The following CSTPP1 variants were observed in gnomAD, a reference collection of about 807,000 sequenced individuals.
The protein encoded by CSTPP1 is UPF0705 protein C11orf49.
the CSTPP1 span, among the ~76,000 whole-genome samples, chr11:47,011,076 T>C: frequency 6.6e-6 from 1 of 152,198 alleles, no homozygotes; most frequent in Admixed American, 6.5e-5. Context: ...GCTGAACATA[T>C]TAAAACTAAT....
At chr11:46,993,635 T>G in the CSTPP1 span, among the ~76,000 whole-genome samples, 1 of 152,198 alleles carries the variant, frequency 6.6e-6, no homozygotes, top group Non-Finnish European at 1.5e-5. Context: ...CATTGGTCTA[T>G]ATCTCTGTTT....
chr11:47,090,352 C>T, the CSTPP1 span, among the ~76,000 whole-genome samples: 1 of 152,110 alleles, frequency 6.6e-6, no homozygotes, highest in Non-Finnish European at 1.5e-5. Flanking sequence ...AATGTTGAAA[C>T]AGAGTTGATA....
the CSTPP1 span, chr11:47,160,370 A>T: frequency 6.6e-6 from 1 of 151,006 alleles, no homozygotes; most frequent in Non-Finnish European, 1.5e-5. Flanking sequence ...GGGTGGTTGG[A>T]TGGAATGGGA....
chr11:47,052,230 C>G, the CSTPP1 span: 44 of 896,214 alleles, frequency 4.9e-5, 1 homozygote, highest in Non-Finnish European at 6.5e-5. Context: ...GAAGAGACTT[C>G]CCCATAGAAG....
the CSTPP1 span, among the ~76,000 whole-genome samples, chr11:47,086,863 C>A: frequency 1.3e-5 from 2 of 152,088 alleles, no homozygotes; most frequent in Non-Finnish European, 2.9e-5. Context: ...CGGGAGTAGA[C>A]AATGTAAACT....
At chr11:47,009,376 G>T in the CSTPP1 span, among the ~76,000 whole-genome samples, 1 of 152,140 alleles carries the variant, frequency 6.6e-6, no homozygotes, top group Non-Finnish European at 1.5e-5. Flanking sequence ...ATCATACACT[G>T]CAAGGGATCA....
the CSTPP1 span, chr11:47,161,810 C>G: frequency 2.2e-5 from 31 of 1,405,502 alleles, no homozygotes; most frequent in African/African-American, 3.9e-4. Context: ...CAGCCAGTGG[C>G]CCCGGAAGGT....
At chr11:46,950,867 G>T in the CSTPP1 span, among the ~76,000 whole-genome samples, 150,933 of 152,288 alleles carry the variant, frequency 0.99, 74,808 homozygotes, top group East Asian at 1. Context: ...GACCTCATGA[G>T]CCACCCGCCT....
chr11:47,036,187 T>TA, the CSTPP1 span, among the ~76,000 whole-genome samples: 1 of 55,374 alleles, frequency 1.8e-5, no homozygotes, highest in East Asian at 3.1e-4. Context: ...TAAATATATA[T>TA]TTATATTATA....
chr11:46,967,982 G>C, the CSTPP1 span, among the ~76,000 whole-genome samples: 2 of 151,922 alleles, frequency 1.3e-5, no homozygotes, highest in Admixed American at 1.3e-4. Flanking sequence ...TTATAGGTAG[G>C]GAAGGGCGGA....
At chr11:47,066,474 C>T in the CSTPP1 span, among the ~76,000 whole-genome samples, 18 of 151,914 alleles carry the variant, frequency 1.2e-4, no homozygotes, top group African/African-American at 4.1e-4. Context: ...AATGAGATGT[C>T]CTGTACAGGG....
chr11:47,157,097 A>T, the CSTPP1 span: 3 of 1,614,146 alleles, frequency 1.9e-6, no homozygotes, highest in South Asian at 1.1e-5. Context: ...GATTGTGCCG[A>T]CGTCGTCCAG....
the CSTPP1 span, among the ~76,000 whole-genome samples, chr11:47,070,893 A>G: frequency 2.0e-5 from 3 of 152,106 alleles, no homozygotes; most frequent in Non-Finnish European, 1.5e-5. Flanking sequence ...CTACTCTCCT[A>G]CTTATAGACT....
chr11:47,069,533 GA>G, the CSTPP1 span, among the ~76,000 whole-genome samples: 1 of 151,896 alleles, frequency 6.6e-6, no homozygotes, highest in African/African-American at 2.4e-5. Context: ...ATCTTCAAGA[GA>G]AAAAATAGTT....
At chr11:46,960,106 A>G in the CSTPP1 span, among the ~76,000 whole-genome samples, 1 of 152,198 alleles carries the variant, frequency 6.6e-6, no homozygotes, top group Non-Finnish European at 1.5e-5. Context: ...ACTTCAGGCA[A>G]TCTGCCTAAC....
chr11:47,044,746 CA>C, the CSTPP1 span, among the ~76,000 whole-genome samples: 1 of 152,020 alleles, frequency 6.6e-6, no homozygotes, highest in East Asian at 1.9e-4. Flanking sequence ...CCCATCTCTA[CA>C]AAAAAATTAA....
the CSTPP1 span, among the ~76,000 whole-genome samples, chr11:46,991,010 T>C: frequency 4.6e-5 from 7 of 152,190 alleles, no homozygotes; most frequent in African/African-American, 1.7e-4. Context: ...ACCGGTACCA[T>C]GCAAAACGCA....
At chr11:47,145,900 A>ATTGTTTTATT in the CSTPP1 span, among the ~76,000 whole-genome samples, 107 of 151,318 alleles carry the variant, frequency 7.1e-4, no homozygotes, top group African/African-American at 2.3e-3. Context: ...CTTTCCGTAA[A>ATTGTTTTATT]TTATTTTATT....
At chr11:47,039,532 C>G in the CSTPP1 span, among the ~76,000 whole-genome samples, 1 of 126,358 alleles carries the variant, frequency 7.9e-6, no homozygotes, top group Non-Finnish European at 1.9e-5. Flanking sequence ...GCCACACGAA[C>G]AGATAAAGAC....
Sources: gnomAD v4.1 joint callset for allele counts (sites outside exome capture counted in the v4.1 genomes callset) on GRCh38, gnomAD v4.1.1 for gene constraint, MANE v1.5 for transcripts, NCBI Gene and HGNC (gene_info 2026-07-23, HGNC 2026-07-21) for gene names.